SLC44A5: variants seen among roughly 807,000 people sequenced by gnomAD.
SLC44A5 encodes choline transporter-like protein 5.
Under a neutral mutation model 101.8 loss-of-function variants are expected in SLC44A5, and 57 were observed. The observed-to-expected ratio is 0.56, with a 90% confidence interval of 0.45 to 0.70. The LOEUF is 0.70. Among genes scored for constraint, SLC44A5 ranks in the 30% least tolerant of loss-of-function variants. The probability of loss-of-function intolerance (pLI) is 0.00; values close to 1 mark genes in which losing one functional copy is unlikely to be tolerated. For synonymous variants in SLC44A5, 281 were observed against 290.9 expected (o/e 0.97, Z 0.35); for missense variants, 737 against 853.1 (o/e 0.86, Z 1.70).
At chr1:75,533,299 T>C (rs1480084678) in intron 2 of SLC44A5, among the ~76,000 whole-genome samples, 2 of 152,238 alleles carry the variant, frequency 1.3e-5, no homozygotes, top group Non-Finnish European at 1.5e-5. Context: ...GTGTCATTCA[T>C]GCAATAAATA....
At chr1:75,656,596 T>C in the SLC44A5 span, among the ~76,000 whole-genome samples, 1 of 151,522 alleles carries the variant, frequency 6.6e-6, no homozygotes, top group Admixed American at 6.6e-5. Flanking sequence ...TTGCCATCAG[T>C]TTAAAATAAT....
chr1:75,300,228 A>T (rs533158139), intron 5 of SLC44A5, among the ~76,000 whole-genome samples: 1 of 152,120 alleles, frequency 6.6e-6, no homozygotes, highest in East Asian at 1.9e-4. Flanking sequence ...ATTTGCTTAT[A>T]AAAAGAAAAG....
intron 5 of SLC44A5, among the ~76,000 whole-genome samples, chr1:75,286,258 A>G (rs1199684770): frequency 6.6e-6 from 1 of 151,954 alleles, no homozygotes; most frequent in East Asian, 1.9e-4. Flanking sequence ...GGTCACTTTA[A>G]TGTCTGTTTT....
intron 3 of SLC44A5, among the ~76,000 whole-genome samples, chr1:75,386,680 G>T (rs1661376106): frequency 6.6e-6 from 1 of 151,498 alleles, no homozygotes; most frequent in Non-Finnish European, 1.5e-5. Flanking sequence ...AGCTACCAAT[G>T]ACTTTCTTCA....
At chr1:75,470,155 A>G (rs1164786817) in intron 2 of SLC44A5, among the ~76,000 whole-genome samples, 1 of 152,166 alleles carries the variant, frequency 6.6e-6, no homozygotes, top group Non-Finnish European at 1.5e-5. Context: ...CATAACAACC[A>G]AGCTTTCAAA....
intron 2 of SLC44A5, among the ~76,000 whole-genome samples, chr1:75,457,549 T>C (rs1270840202): frequency 6.6e-6 from 1 of 152,094 alleles, no homozygotes; most frequent in Non-Finnish European, 1.5e-5. Flanking sequence ...TTGTGCAATA[T>C]TCAAGGCATT....
At chr1:75,413,260 C>T (rs1322626069) in intron 2 of SLC44A5, among the ~76,000 whole-genome samples, 1 of 152,064 alleles carries the variant, frequency 6.6e-6, no homozygotes, top group Non-Finnish European at 1.5e-5. Flanking sequence ...CACTTGGGGT[C>T]TTGGAATATA....
intron 2 of SLC44A5, among the ~76,000 whole-genome samples, chr1:75,440,882 A>G (rs1665155672): frequency 6.6e-6 from 1 of 151,852 alleles, no homozygotes; most frequent in Non-Finnish European, 1.5e-5. Flanking sequence ...GAAATTTAAG[A>G]AAGTATGGCA....
intron 22 of SLC44A5, among the ~76,000 whole-genome samples, chr1:75,212,295 A>G (rs553870877): frequency 6.6e-6 from 1 of 152,188 alleles, no homozygotes; most frequent in South Asian, 2.1e-4. Context: ...TCACCCAAGT[A>G]ACAAGCCTAG....
intron 23 of SLC44A5, among the ~76,000 whole-genome samples, chr1:75,208,023 T>C (rs1471328056): frequency 6.6e-6 from 1 of 152,124 alleles, no homozygotes; most frequent in African/African-American, 2.4e-5. Flanking sequence ...TGGCCCCAAA[T>C]TGCAAGATTA....
intron 5 of SLC44A5, among the ~76,000 whole-genome samples, chr1:75,296,303 G>T (rs1471538555): frequency 6.6e-6 from 1 of 151,716 alleles, no homozygotes; most frequent in African/African-American, 2.4e-5. Context: ...TGGGAAAAAT[G>T]ACAAAGAATT....
chr1:75,282,171 T>C (rs1339930876), intron 5 of SLC44A5, among the ~76,000 whole-genome samples: 1 of 152,186 alleles, frequency 6.6e-6, no homozygotes. Context: ...TGCATTAGCG[T>C]GACCTGGATG....
At chr1:75,250,732 A>G (rs1649497743) in intron 7 of SLC44A5, among the ~76,000 whole-genome samples, 1 of 152,168 alleles carries the variant, frequency 6.6e-6, no homozygotes, top group Admixed American at 6.5e-5. Context: ...GGAACAGCAG[A>G]GCCACCCTTA....
At chr1:75,513,022 G>A (rs1230674690) in intron 2 of SLC44A5, among the ~76,000 whole-genome samples, 7 of 152,064 alleles carry the variant, frequency 4.6e-5, no homozygotes, top group Non-Finnish European at 1.0e-4. Flanking sequence ...ATACTGTTAG[G>A]TTCATTTCAC....
intron 3 of SLC44A5, among the ~76,000 whole-genome samples, chr1:75,345,457 G>T (rs1658183209): frequency 6.6e-6 from 1 of 152,032 alleles, no homozygotes; most frequent in Non-Finnish European, 1.5e-5. Flanking sequence ...CTTCAGAGGG[G>T]ACCAACTAAT....
chr1:75,441,297 T>C (rs1163048624), intron 2 of SLC44A5, among the ~76,000 whole-genome samples: 1 of 152,140 alleles, frequency 6.6e-6, no homozygotes, highest in African/African-American at 2.4e-5. Context: ...TCAGCATTCC[T>C]GAACTCTGCT....
chr1:75,262,558 A>G (rs1650613757), intron 6 of SLC44A5, among the ~76,000 whole-genome samples: 2 of 152,216 alleles, frequency 1.3e-5, no homozygotes, highest in Admixed American at 6.5e-5. Context: ...CATATTTCCC[A>G]AAGTAATTTA....
intron 5 of SLC44A5, among the ~76,000 whole-genome samples, chr1:75,278,121 G>A (rs1652082852): frequency 6.6e-6 from 1 of 151,990 alleles, no homozygotes; most frequent in Non-Finnish European, 1.5e-5. Flanking sequence ...GGGACATACT[G>A]TAAGTGCAAA....
At chr1:75,236,551 G>C (rs1322609064) in intron 11 of SLC44A5, among the ~76,000 whole-genome samples, 2 of 151,968 alleles carry the variant, frequency 1.3e-5, no homozygotes, top group African/African-American at 2.4e-5. Flanking sequence ...TCATTACGTG[G>C]AAGGGATGTG....
Sources: gnomAD v4.1 joint callset for allele counts (sites outside exome capture counted in the v4.1 genomes callset) on GRCh38, gnomAD v4.1.1 for gene constraint, MANE v1.5 for transcripts, NCBI Gene and HGNC (gene_info 2026-07-23, HGNC 2026-07-21) for gene names.